Variants in CHL1 observed in about 807,000 individuals in gnomAD.
The protein encoded by CHL1 is neural cell adhesion molecule L1-like protein.
CHL1 carries 96 observed loss-of-function variants against 141.9 expected under a neutral mutation model. That is an observed-to-expected ratio of 0.68 (90% CI 0.57 to 0.80). The LOEUF (loss-of-function observed/expected upper bound fraction) is 0.80, where lower values mean the gene tolerates loss of function less well. Among genes scored for constraint, CHL1 ranks in the 30% least tolerant of loss-of-function variants. The pLI, the probability that CHL1 is intolerant of heterozygous loss-of-function variation, is 0.00. For missense variants in CHL1, 1,820 were observed against 1,457.2 expected (o/e 1.25, Z -4.05); for synonymous variants, 613 against 502.2 (o/e 1.22, Z -2.95).
At position 200,434 on chromosome 3, in the gene CHL1, C is replaced by A. The variant is rs538099927; in HGVS notation, c.-175+3371C>A. On this transcript the variant is annotated intron_variant, in intron 1 of 27. Transcript: ENST00000256509. ...TGTTTTCAGTGATGTACTATATTAT[C>A]TGATTCAGTCAACGTTCCTTGTTAT... Among the ~76,000 whole-genome samples, 4 of 152,266 alleles carry A rather than the reference C, an allele frequency of 2.6e-5. No individual in the cohort carries two copies. In the South Asian group the frequency reaches 8.3e-4, roughly 32 times the overall value.
chr3:255,128 A>G (rs1291324464), intron 2 of CHL1, among the ~76,000 whole-genome samples: 1 of 152,190 alleles, frequency 6.6e-6, no homozygotes, highest in Admixed American at 6.5e-5. Flanking sequence ...TGTTATTCAT[A>G]TACCCCTTCA....
At chr3:358,074 C>T (rs536329470) in intron 11 of CHL1, among the ~76,000 whole-genome samples, 192 of 152,258 alleles carry the variant, frequency 1.3e-3, no homozygotes, top group Middle Eastern at 3.4e-3. Flanking sequence ...ATTGCTGTAA[C>T]AAATTAAATT....
intron 2 of CHL1, among the ~76,000 whole-genome samples, chr3:246,190 G>C (rs899768897): frequency 1.3e-5 from 2 of 151,642 alleles, no homozygotes; most frequent in African/African-American, 4.8e-5. Context: ...CAATACCCAG[G>C]GTATTAAATT....
chr3:332,937 A>G (rs1172736885), intron 5 of CHL1, among the ~76,000 whole-genome samples: 1 of 151,984 alleles, frequency 6.6e-6, no homozygotes, highest in Non-Finnish European at 1.5e-5. Context: ...ATTGCAAAGA[A>G]AGGAGCGGCA....
At chr3:380,365 G>C (rs1489436391) in intron 16 of CHL1, among the ~76,000 whole-genome samples, 2 of 152,134 alleles carry the variant, frequency 1.3e-5, no homozygotes, top group Non-Finnish European at 2.9e-5. Context: ...TTTCCACTTG[G>C]AGAAGAAAGA....
rs1315978226 is a variant in CHL1 at position 389,417 on chromosome 3, A to G, written c.2413A>G (p.Asn805Asp). ...TTATGATGTCAAGGTCCAGGCTATC[A>G]ATCAACTAGGATCTGGGCCTGACCC... ...APYDVKVQAI[N>D]QLGSGPDPQS... The change falls in exon 20 of 28, where the codon AAT becomes GAT. Residue 805 changes from asparagine (N) to aspartate (D), a missense_variant. Asn to Asp is a conservative substitution (Grantham distance 23). Coordinates refer to ENST00000256509, the MANE Select transcript of CHL1 (RefSeq NM_006614.4). 6.2e-7 allele frequency: 1 copy of G among 1,614,214 alleles called. No individual in the cohort carries two copies. Among genetic ancestry groups the G allele is most frequent in the Non-Finnish European group, 8.5e-7 (1 of 1,180,044 alleles).
chr3:326,208 A>G (rs111981025), intron 4 of CHL1, 144 bp downstream of exon 4: 6 of 508,088 alleles, frequency 1.2e-5, no homozygotes, highest in African/African-American at 6.0e-5. Context: ...ATCCATGCAA[A>G]CAAAAAAAAA....
intron 8 of CHL1, among the ~76,000 whole-genome samples, chr3:343,260 G>T (rs1400400461): frequency 6.6e-6 from 1 of 152,024 alleles, no homozygotes; most frequent in African/African-American, 2.4e-5. Flanking sequence ...TATATATAAT[G>T]CATTGAATAG....
rs1709708573 is a variant in CHL1 at position 409,094 on chromosome 3, G to A, written c.*3383G>A. The A allele has an allele frequency of 6.6e-6, 1 of 152,044 alleles. No homozygotes were observed. The highest frequency in any genetic ancestry group is 1.5e-5 in the Non-Finnish European group (1 of 67,960). 9.4% of individuals were successfully genotyped at this position (152,044 alleles called of 1,614,324 possible). On this transcript the variant is annotated 3_prime_UTR_variant, in exon 28 of 28. Transcript: ENST00000256509. ...GTAACAATGTTAAATTAATTATAATGGGATTGGGTTTGTTATCTGTGGTAG... is the reference window on the plus strand; with the variant it reads ...GTAACAATGTTAAATTAATTATAATAGGATTGGGTTTGTTATCTGTGGTAG...
intron 2 of CHL1, among the ~76,000 whole-genome samples, chr3:277,128 A>G (rs999218456): frequency 7.9e-5 from 12 of 152,182 alleles, no homozygotes; most frequent in African/African-American, 2.9e-4. Flanking sequence ...AATATGTGTT[A>G]TGTAGTGTTT....
chr3:292,939 G>A (rs545415122), intron 2 of CHL1, among the ~76,000 whole-genome samples: 61 of 152,368 alleles, frequency 4.0e-4, no homozygotes, highest in Non-Finnish European at 7.5e-4. Flanking sequence ...TTCAACAGGA[G>A]ATGTGGTTGA....
chr3:399,244 G>A, intron 26 of CHL1, 96 bp downstream of exon 26: 2 of 971,526 alleles, frequency 2.1e-6, no homozygotes, highest in South Asian at 1.5e-5. Flanking sequence ...ACACATTCAA[G>A]TCAAATTTAT....
In CHL1 at chr3:398,244, A is replaced by C; in HGVS notation, c.3112A>C (p.Ile1038Leu). ...TTTCTTAGGTAAAGGTATCGGGAAG[A>C]TATCAGGAGTAAATCTTACTCAAAA... ...LGEGSKGIGK[I>L]SGVNLTQKTH... is the part of the protein sequence containing the mutation. Residue 1038 changes from isoleucine (I) to leucine (L), a missense_variant, in exon 25 of 28, where the codon ATA (isoleucine) becomes CTA (leucine). Transcript: ENST00000256509. The C allele has an allele frequency of 6.2e-7, 1 of 1,601,434 alleles. No homozygotes were observed. Among genetic ancestry groups the C allele is most frequent in the Non-Finnish European group, 8.5e-7 (1 of 1,170,716 alleles).
intron 9 of CHL1, among the ~76,000 whole-genome samples, chr3:346,622 T>C (rs1411763897): frequency 6.6e-6 from 1 of 152,106 alleles, no homozygotes; most frequent in Non-Finnish European, 1.5e-5. Context: ...TGGATGAAAA[T>C]ATATGTTGTT....
intron 2 of CHL1, among the ~76,000 whole-genome samples, chr3:278,801 G>A (rs17018440): frequency 0.011 from 1,737 of 152,292 alleles, 29 homozygotes; most frequent in African/African-American, 0.039. Flanking sequence ...ATGGCAGTCT[G>A]CACATCTCAC....
intron 2 of CHL1, among the ~76,000 whole-genome samples, chr3:270,130 G>A (rs1272355198): frequency 6.6e-6 from 1 of 152,160 alleles, no homozygotes; most frequent in Non-Finnish European, 1.5e-5. Flanking sequence ...AGAAATGGGG[G>A]GAAGGGGGAA....
chr3:375,089 C>T (rs1054917543), intron 15 of CHL1, among the ~76,000 whole-genome samples: 1 of 152,032 alleles, frequency 6.6e-6, no homozygotes, highest in Admixed American at 6.6e-5. Flanking sequence ...TTTAGGCCTC[C>T]CAATAATACT....
At chr3:315,715 G>C (rs529439255) in intron 2 of CHL1, among the ~76,000 whole-genome samples, 1 of 151,946 alleles carries the variant, frequency 6.6e-6, no homozygotes, top group Non-Finnish European at 1.5e-5. Flanking sequence ...CCCACTAGTC[G>C]TACTGGAGAA....
chr3:280,923 A>G (rs1023046335), intron 2 of CHL1, among the ~76,000 whole-genome samples: 11 of 152,010 alleles, frequency 7.2e-5, no homozygotes, highest in Non-Finnish European at 1.5e-4. Flanking sequence ...CCACACACAC[A>G]CACACACACA....
Sources: gnomAD v4.1 joint callset for allele counts (sites outside exome capture counted in the v4.1 genomes callset) on GRCh38, gnomAD v4.1.1 for gene constraint, MANE v1.5 for transcripts, NCBI Gene and HGNC (gene_info 2026-07-23, HGNC 2026-07-21) for gene names.